Variants in CEP85 observed in about 807,000 individuals in gnomAD.
CEP85 encodes the protein centrosomal protein 85, also known as centrosomal protein of 85 kDa.
Under a neutral mutation model 93.7 loss-of-function variants are expected in CEP85, and 58 were observed. The observed-to-expected ratio is 0.62, with a 90% confidence interval of 0.50 to 0.77. The LOEUF is 0.77. Ranked by LOEUF, CEP85 falls within the 30% of genes least tolerant of loss-of-function variation. The pLI, the probability that CEP85 is intolerant of heterozygous loss-of-function variation, is 0.00. For synonymous variants in CEP85, 314 were observed against 338.6 expected, an observed-to-expected ratio of 0.93 and a Z score of 0.80; for missense variants, 868 against 922.0, an observed-to-expected ratio of 0.94 and a Z score of 0.76.
chr1:26,245,439 C>G (rs2089495291), intron 3 of CEP85, among the ~76,000 whole-genome samples: 1 of 152,120 alleles, frequency 6.6e-6, no homozygotes, highest in Admixed American at 6.5e-5. Flanking sequence ...GCTGATGTTA[C>G]TATTCAAGAT....
At chr1:26,253,738 A>G (rs557730467) in intron 3 of CEP85, among the ~76,000 whole-genome samples, 76 of 151,654 alleles carry the variant, frequency 5.0e-4, no homozygotes, top group Non-Finnish European at 2.7e-4. Context: ...TGGCTTGCCC[A>G]TATTTTTAAA....
intron 4 of CEP85, among the ~76,000 whole-genome samples, chr1:26,257,150 T>C (rs1319608805): frequency 6.6e-6 from 1 of 152,038 alleles, no homozygotes; most frequent in Non-Finnish European, 1.5e-5. Flanking sequence ...CCATGCTGGT[T>C]TAGAACTCCT....
intron 7 of CEP85, among the ~76,000 whole-genome samples, chr1:26,261,781 A>T (rs1387093187): frequency 2.0e-4 from 31 of 152,158 alleles, no homozygotes; most frequent in Admixed American, 2.0e-3. Context: ...ACTCAGAGCA[A>T]AAGTTGCCCA....
At chr1:26,276,314 C>T (rs907659525) in intron 12 of CEP85, among the ~76,000 whole-genome samples, 3 of 152,174 alleles carry the variant, frequency 2.0e-5, no homozygotes, top group African/African-American at 7.2e-5. Context: ...TTGGCTTCCT[C>T]TCCAGTGCTA....
Position 26,234,715 on chromosome 1 carries a change from C to T in CEP85, c.-23+405C>T, listed in dbSNP as rs565642023. Among the ~76,000 whole-genome samples the T allele has an allele frequency of 2.6e-3, 391 of 152,290 alleles. 1 individual carries two copies. Among genetic ancestry groups the T allele is most frequent in the Non-Finnish European group, 4.3e-3 (292 of 68,018 alleles). On this transcript the variant is annotated intron_variant, in intron 1 of 13. Transcript: ENST00000451429. ...TACAAAGAGCGCAAAACAGAAGGCGCGGATCTAGTCGGAGAGGTCAGGGAG... is the reference window on the plus strand; with the variant it reads ...TACAAAGAGCGCAAAACAGAAGGCGTGGATCTAGTCGGAGAGGTCAGGGAG...
At position 26,275,062 on chromosome 1, in the gene CEP85, C is replaced by A; in HGVS notation, c.1893C>A (p.Ala631=). The A allele has an allele frequency of 2.5e-6, 4 of 1,572,160 alleles. No individual in the cohort carries two copies. The highest frequency in any genetic ancestry group is 3.5e-6 in the Non-Finnish European group (4 of 1,158,650). ...CAGCCCTGCAGCAGCTGCGCACAGCCGTGAAGGAGGTGAGCAACATTAGTC... is the reference window on the plus strand; with the variant it reads ...CAGCCCTGCAGCAGCTGCGCACAGCAGTGAAGGAGGTGAGCAACATTAGTC... ...RDSALQQLRT[A]VKELSVQNQD... is the part of the protein sequence containing the mutation. The change falls in exon 12 of 14, where the codon GCC becomes GCA. Residue 631 remains alanine, a synonymous_variant. Transcript: ENST00000451429.
At position 26,276,780 on chromosome 1, in the gene CEP85, T is replaced by G. The variant is rs776920393; in HGVS notation, c.2128+20T>G. Reference sequence around the variant, plus strand: ...TTCACTGTGAGTCCTCAGACCAGTCTGGGGCCCAGGAAGGAGGGTCCTTCT... The same window carrying G: ...TTCACTGTGAGTCCTCAGACCAGTCGGGGGCCCAGGAAGGAGGGTCCTTCT... On this transcript the variant is annotated intron_variant, in intron 13 of 13. Coordinates refer to ENST00000451429, the MANE Select transcript of CEP85 (RefSeq NM_001319944.2). 6.3e-7 allele frequency: 1 copy of G among 1,591,348 alleles called. No individual in the cohort carries two copies. Among genetic ancestry groups the G allele is most frequent in the Non-Finnish European group, 8.6e-7 (1 of 1,161,962 alleles).
At chr1:26,273,934 T>TAAATAAATAAATAAA (rs777935042) in intron 11 of CEP85, among the ~76,000 whole-genome samples, 66 of 107,876 alleles carry the variant, frequency 6.1e-4, no homozygotes, top group African/African-American at 1.1e-3. Flanking sequence ...ATAAATAAAA[T>TAAATAAATAAATAAA]ATATATATAT....
chr1:26,248,451 GTCT>G (rs1371487060), intron 3 of CEP85, among the ~76,000 whole-genome samples: 1 of 151,996 alleles, frequency 6.6e-6, no homozygotes, highest in Non-Finnish European at 1.5e-5. Flanking sequence ...AGTTGTAATA[GTCT>G]TCTCGAGATA....
rs772116854 is a variant in CEP85 at position 26,269,449 on chromosome 1, C to T, written c.1495-11C>T. ...GCTTATTTGACCTAAACATGGGATC[C>T]TGTCTCTCAGCTTAAGGATTCTGAG... On this transcript the variant is annotated splice_polypyrimidine_tract_variant and intron_variant, in intron 8 of 13. Transcript: ENST00000451429. 2 of 1,612,740 alleles carry T rather than the reference C, an allele frequency of 1.2e-6. No homozygotes were observed. Among genetic ancestry groups the T allele is most frequent in the South Asian group, 1.1e-5 (1 of 91,004 alleles).
At chr1:26,239,893 T>A in intron 2 of CEP85, 55 bp downstream of exon 2, 1 of 1,312,426 alleles carries the variant, frequency 7.6e-7, no homozygotes, top group Non-Finnish European at 1.1e-6. Context: ...TGTTTTTTCA[T>A]ATTCCTTAAG....
chr1:26,277,101 C>T (rs776310140), intron 13 of CEP85, 35 bp from the exon 14 acceptor site: 2 of 1,602,828 alleles, frequency 1.2e-6, no homozygotes, highest in East Asian at 4.5e-5. Context: ...TGTCTCATAA[C>T]TAACATTCTC....
intron 11 of CEP85, among the ~76,000 whole-genome samples, chr1:26,273,095 G>A (rs1010298683): frequency 6.6e-6 from 1 of 152,184 alleles, no homozygotes; most frequent in Admixed American, 6.5e-5. Flanking sequence ...GCGAGGAGAT[G>A]TGAGGGGACA....
chr1:26,245,601 T>A (rs2089497887), intron 3 of CEP85, among the ~76,000 whole-genome samples: 1 of 152,192 alleles, frequency 6.6e-6, no homozygotes, highest in East Asian at 1.9e-4. Context: ...TTTTTCCGTT[T>A]AGATTGGTGA....
In CEP85 at chr1:26,272,013, C is replaced by T; in HGVS notation, c.1744-8C>T. ...CTCGCAGCCTTCCTTGATAACTTTG[C>T]CTTTCAGATTGTGGAGAAGCAGCAG... On this transcript the variant is annotated splice_region_variant and splice_polypyrimidine_tract_variant and intron_variant, in intron 10 of 13. Transcript: ENST00000451429. 1 of 1,613,946 alleles carries T rather than the reference C, an allele frequency of 6.2e-7. No individual in the cohort carries two copies. The highest frequency in any genetic ancestry group is 1.7e-5 in the Admixed American group (1 of 59,994).
intron 7 of CEP85, chr1:26,263,324 C>A: frequency 3.2e-6 from 1 of 309,484 alleles, no homozygotes; most frequent in South Asian, 3.4e-5. Context: ...GGGCTTGTAT[C>A]ATACTTTTCA....
In CEP85 at chr1:26,258,189, G is replaced by A. The variant is rs753729078; in HGVS notation, c.1084G>A (p.Glu362Lys). ...GCTGGAGCAGAAAGTGCGAGAGAGC[G>A]AACTGCAAGTCCACAGTGCCCTCTT... The part of the protein sequence containing the change: ...SQLEQKVRES[E>K]LQVHSALLGR... The change falls in exon 6 of 14, where the codon GAA becomes AAA. Residue 362 changes from glutamate to lysine, a missense_variant. Glu to Lys is a moderately conservative substitution (Grantham distance 56). Transcript: ENST00000451429. 18 of 1,613,994 alleles carry A rather than the reference G, an allele frequency of 1.1e-5. No homozygotes were observed. Among genetic ancestry groups the A allele is most frequent in the Admixed American group, 6.7e-5 (4 of 60,010 alleles).
At chr1:26,239,370 G>A (rs2089383229) in intron 1 of CEP85, among the ~76,000 whole-genome samples, 1 of 151,184 alleles carries the variant, frequency 6.6e-6, no homozygotes, top group African/African-American at 2.4e-5. Flanking sequence ...TATTTTTTTT[G>A]AGATGGAGTC....
At chr1:26,276,866 A>G (rs2090061006) in intron 13 of CEP85, 106 bp downstream of exon 13, 1 of 940,060 alleles carries the variant, frequency 1.1e-6, no homozygotes, top group Non-Finnish European at 1.6e-6. Flanking sequence ...GACAGAGTAC[A>G]TAGTCCTGGC....
Sources: gnomAD v4.1 joint callset for allele counts (sites outside exome capture counted in the v4.1 genomes callset) on GRCh38, gnomAD v4.1.1 for gene constraint, MANE v1.5 for transcripts, NCBI Gene and HGNC (gene_info 2026-07-23, HGNC 2026-07-21) for gene names.